The following LSAMP variants were observed in gnomAD, a reference collection of about 807,000 sequenced individuals.
The protein encoded by LSAMP is limbic system-associated membrane protein.
LSAMP carries 7 observed loss-of-function variants against 38.6 expected under a neutral mutation model. The ratio of observed to expected loss-of-function variants is 0.18; its 90% confidence interval spans 0.10 to 0.34. The LOEUF (loss-of-function observed/expected upper bound fraction) is 0.34. Among genes scored for constraint, LSAMP ranks in the 10% least tolerant of loss-of-function variants. LSAMP has a pLI of 1.00. For missense variants in LSAMP, 313 were observed against 420.0 expected (o/e 0.75, Z 2.23); for synonymous variants, 154 against 166.8 (o/e 0.92, Z 0.59).
intron 1 of LSAMP, among the ~76,000 whole-genome samples, chr3:116,433,187 A>T (rs981311910): frequency 2.0e-5 from 3 of 152,164 alleles, no homozygotes; most frequent in Non-Finnish European, 4.4e-5. Flanking sequence ...TCACATGTAG[A>T]TACTTACTAT....
intron 1 of LSAMP, among the ~76,000 whole-genome samples, chr3:116,238,798 C>A (rs1291460030): frequency 6.6e-6 from 1 of 152,074 alleles, no homozygotes; most frequent in East Asian, 1.9e-4. Context: ...TTGGTATTTT[C>A]TGTCTTCAGC....
intron 3 of LSAMP, among the ~76,000 whole-genome samples, chr3:115,872,589 T>C (rs1178991954): frequency 6.6e-6 from 1 of 151,134 alleles, no homozygotes; most frequent in Non-Finnish European, 1.5e-5. Context: ...CTCCCGAGAA[T>C]GGAAGAATGG....
At chr3:116,277,370 TTG>T (rs1007800477) in intron 1 of LSAMP, among the ~76,000 whole-genome samples, 9 of 141,136 alleles carry the variant, frequency 6.4e-5, no homozygotes, top group African/African-American at 2.7e-4. Flanking sequence ...TTTGCTCATC[TTG>T]TGTTTTTTTT....
chr3:115,817,052 C>T (rs993624347), intron 6 of LSAMP, among the ~76,000 whole-genome samples: 11 of 152,220 alleles, frequency 7.2e-5, no homozygotes, highest in African/African-American at 2.7e-4. Flanking sequence ...GGCTGTCCTG[C>T]TCTTCTTCCA....
Position 116,242,838 on chromosome 3 carries a change from G to GAAAA in LSAMP, c.156-156283_156-156282insTTTT, listed in dbSNP as rs1553716837. ...TTCACTCTTACCTGCCTCATAGATA[G>GAAAA]AAGTGTCCAAATTGTTATTGAATTA... is the stretch of plus-strand genomic sequence containing the variant. On this transcript the variant is annotated intron_variant, in intron 1 of 6. Transcript: ENST00000490035. 5.0e-3 allele frequency among the ~76,000 whole-genome samples: 764 copies of GAAAA among 151,470 alleles called. 5 individuals carry two copies. The highest frequency in any genetic ancestry group is 7.0e-3 in the Non-Finnish European group (474 of 67,874).
chr3:115,966,781 AATTT>A (rs1368387589), intron 3 of LSAMP, among the ~76,000 whole-genome samples: 1 of 152,248 alleles, frequency 6.6e-6, no homozygotes, highest in Non-Finnish European at 1.5e-5. Flanking sequence ...AAATTTAAAC[AATTT>A]ATTATTTGGA....
chr3:115,891,131 C>G (rs1001588045), intron 3 of LSAMP, among the ~76,000 whole-genome samples: 1 of 151,920 alleles, frequency 6.6e-6, no homozygotes. Flanking sequence ...AGGCTGGGAA[C>G]CAGAGGCAGA....
intron 1 of LSAMP, among the ~76,000 whole-genome samples, chr3:116,319,121 C>T (rs990742698): frequency 3.3e-5 from 5 of 152,138 alleles, no homozygotes; most frequent in Admixed American, 2.0e-4. Context: ...GGATCATCAA[C>T]CATTTCTCTT....
At chr3:116,162,426 T>A (rs1709909336) in intron 1 of LSAMP, among the ~76,000 whole-genome samples, 2 of 152,090 alleles carry the variant, frequency 1.3e-5, no homozygotes, top group African/African-American at 4.8e-5. Flanking sequence ...TCTGATGATG[T>A]TAGGATATAG....
At chr3:116,232,649 A>G (rs2046414336) in intron 1 of LSAMP, among the ~76,000 whole-genome samples, 1 of 150,534 alleles carries the variant, frequency 6.6e-6, no homozygotes, top group Non-Finnish European at 1.5e-5. Context: ...GAAAGAGACA[A>G]TTTAAGGAGC....
At chr3:116,261,345 A>T (rs546651762) in intron 1 of LSAMP, among the ~76,000 whole-genome samples, 1 of 152,288 alleles carries the variant, frequency 6.6e-6, no homozygotes, top group South Asian at 2.1e-4. Context: ...ACCTTACCTT[A>T]TAAATAGGAG....
At chr3:115,854,563 C>T (rs1935449416) in intron 3 of LSAMP, among the ~76,000 whole-genome samples, 1 of 152,048 alleles carries the variant, frequency 6.6e-6, no homozygotes, top group Non-Finnish European at 1.5e-5. Context: ...TTTCTCTTCT[C>T]CTTTGCCAAC....
intron 1 of LSAMP, among the ~76,000 whole-genome samples, chr3:116,131,285 C>T (rs1709127988): frequency 6.6e-6 from 1 of 151,986 alleles, no homozygotes; most frequent in African/African-American, 2.4e-5. Flanking sequence ...GCCACCTCGC[C>T]CGGCCTAAGG....
At chr3:116,105,045 C>A (rs1708432165) in intron 1 of LSAMP, among the ~76,000 whole-genome samples, 1 of 152,102 alleles carries the variant, frequency 6.6e-6, no homozygotes, top group Non-Finnish European at 1.5e-5. Context: ...CATCAGCAAG[C>A]ACTAGCCTGG....
chr3:116,357,732 A>G (rs2048245187), intron 1 of LSAMP, among the ~76,000 whole-genome samples: 2 of 152,148 alleles, frequency 1.3e-5, no homozygotes, highest in African/African-American at 2.4e-5. Flanking sequence ...ACAACCATTG[A>G]GCCCAATTAT....
At chr3:116,375,168 CATT>C (rs1317859621) in intron 1 of LSAMP, among the ~76,000 whole-genome samples, 33 of 151,856 alleles carry the variant, frequency 2.2e-4, no homozygotes, top group African/African-American at 7.3e-4. Flanking sequence ...CTATTATAAT[CATT>C]ATTATATGCT....
chr3:116,408,246 A>G (rs1320413942), intron 1 of LSAMP, among the ~76,000 whole-genome samples: 1 of 152,096 alleles, frequency 6.6e-6, no homozygotes, highest in Non-Finnish European at 1.5e-5. Flanking sequence ...GTTATAGTGA[A>G]TGTTACTGTA....
intron 2 of LSAMP, among the ~76,000 whole-genome samples, chr3:116,068,356 A>T (rs1226866852): frequency 6.6e-6 from 1 of 152,110 alleles, no homozygotes; most frequent in Admixed American, 6.5e-5. Context: ...ATCCATTCCT[A>T]TTCTTCTTCC....
chr3:116,377,512 G>A (rs1031683856), intron 1 of LSAMP, among the ~76,000 whole-genome samples: 1 of 151,892 alleles, frequency 6.6e-6, no homozygotes, highest in Admixed American at 6.6e-5. Flanking sequence ...CCATGTCTTT[G>A]CTATTTTGAA....
Sources: gnomAD v4.1 joint callset for allele counts (sites outside exome capture counted in the v4.1 genomes callset) on GRCh38, gnomAD v4.1.1 for gene constraint, MANE v1.5 for transcripts, NCBI Gene and HGNC (gene_info 2026-07-23, HGNC 2026-07-21) for gene names.